Variants in SH3GL3 observed in about 807,000 individuals in gnomAD.
SH3GL3 encodes the protein SH3 domain containing GRB2 like 3, endophilin A3.
SH3GL3 carries 33 observed loss-of-function variants against 47.7 expected under a neutral mutation model. That is an observed-to-expected ratio of 0.69 (90% CI 0.52 to 0.92). SH3GL3 has a LOEUF of 0.92. Ranked by LOEUF, SH3GL3 falls within the 40% of genes least tolerant of loss-of-function variation. The pLI is 0.00. For missense variants in SH3GL3, 363 were observed against 417.8 expected (o/e 0.87, Z 1.14); for synonymous variants, 155 against 148.8 (o/e 1.04, Z -0.30).
At chr15:83,590,559 C>T (rs2060067330) in intron 8 of SH3GL3, among the ~76,000 whole-genome samples, 1 of 152,218 alleles carries the variant, frequency 6.6e-6, no homozygotes, top group East Asian at 1.9e-4. Flanking sequence ...GATCTAGTTT[C>T]TCCACATCCC....
downstream of SH3GL3, among the ~76,000 whole-genome samples, chr15:83,620,328 T>G (rs971108307): frequency 2.0e-5 from 3 of 152,180 alleles, no homozygotes; most frequent in Non-Finnish European, 4.4e-5. Context: ...TTCCAGAAGG[T>G]TTTCACTTTA....
At chr15:83,621,881 G>T (rs1424950678), downstream of SH3GL3, among the ~76,000 whole-genome samples, 1 of 152,164 alleles carries the variant, frequency 6.6e-6, no homozygotes, top group East Asian at 1.9e-4. Flanking sequence ...AAGCCAGACT[G>T]ATCACCTAAA....
chr15:83,622,428 C>T (rs184863142), downstream of SH3GL3, among the ~76,000 whole-genome samples: 4 of 152,286 alleles, frequency 2.6e-5, no homozygotes, highest in East Asian at 7.7e-4. Context: ...ATTCTCAATG[C>T]CCATAATATG....
chr15:83,493,136 T>A (rs911835383), intron 1 of SH3GL3, among the ~76,000 whole-genome samples: 3 of 152,210 alleles, frequency 2.0e-5, no homozygotes, highest in Admixed American at 6.5e-5. Flanking sequence ...GTTATTTTTT[T>A]AAAAAAGAGT....
At chr15:83,474,386 A>G (rs1205598370) in intron 1 of SH3GL3, among the ~76,000 whole-genome samples, 1 of 152,202 alleles carries the variant, frequency 6.6e-6, no homozygotes, top group Non-Finnish European at 1.5e-5. Flanking sequence ...GAGGATGCTA[A>G]AAATCCAGAT....
At chr15:83,625,304 T>C in the SH3GL3 span, among the ~76,000 whole-genome samples, 1 of 152,246 alleles carries the variant, frequency 6.6e-6, no homozygotes. Flanking sequence ...AGCAACTTGA[T>C]GAATATCAGA....
At chr15:83,599,606 G>A (rs755611591) in intron 8 of SH3GL3, among the ~76,000 whole-genome samples, 21 of 152,130 alleles carry the variant, frequency 1.4e-4, no homozygotes, top group Middle Eastern at 3.2e-3. Flanking sequence ...ATGGGCATTT[G>A]GGCTGGTCCC....
chr15:83,616,408 C>T (rs1016279003), intron 8 of SH3GL3, among the ~76,000 whole-genome samples: 5 of 151,986 alleles, frequency 3.3e-5, no homozygotes, highest in Admixed American at 2.6e-4. Flanking sequence ...TGCCCGCCAC[C>T]ACGCCCGGCT....
At chr15:83,533,437 G>T (rs1365809919) in intron 1 of SH3GL3, among the ~76,000 whole-genome samples, 1 of 152,192 alleles carries the variant, frequency 6.6e-6, no homozygotes, top group African/African-American at 2.4e-5. Context: ...TAATAGGAAA[G>T]AGCATATACA....
chr15:83,486,839 C>T (rs1346707786), intron 1 of SH3GL3, among the ~76,000 whole-genome samples: 3 of 152,212 alleles, frequency 2.0e-5, no homozygotes, highest in Non-Finnish European at 4.4e-5. Flanking sequence ...TTGGAAAGGG[C>T]CCGCTTCCTG....
chr15:83,580,510 G>C (rs980166118), intron 6 of SH3GL3, among the ~76,000 whole-genome samples: 2 of 152,234 alleles, frequency 1.3e-5, no homozygotes, highest in African/African-American at 4.8e-5. Flanking sequence ...GAAGTTTGGG[G>C]ATGTCAGTCA....
intron 8 of SH3GL3, among the ~76,000 whole-genome samples, chr15:83,592,298 T>A (rs978695685): frequency 3.3e-5 from 5 of 152,194 alleles, no homozygotes; most frequent in African/African-American, 1.2e-4. Context: ...AAATAAATAT[T>A]CATTGTGTAA....
chr15:83,519,895 T>G (rs1438534753), intron 1 of SH3GL3, among the ~76,000 whole-genome samples: 1 of 152,212 alleles, frequency 6.6e-6, no homozygotes, highest in African/African-American at 2.4e-5. Flanking sequence ...TTTTTCACAT[T>G]TAGTATTGTA....
At chr15:83,460,643 A>G (rs1481522300) in intron 1 of SH3GL3, among the ~76,000 whole-genome samples, 1 of 152,212 alleles carries the variant, frequency 6.6e-6, no homozygotes, top group African/African-American at 2.4e-5. Flanking sequence ...GAAAAACTGC[A>G]TCATCTTTAA....
chr15:83,575,646 A>C (rs1030624558), intron 5 of SH3GL3, among the ~76,000 whole-genome samples: 4 of 152,214 alleles, frequency 2.6e-5, no homozygotes, highest in African/African-American at 9.7e-5. Context: ...CCAAAGTCAC[A>C]GAGCAAAGAG....
intron 8 of SH3GL3, among the ~76,000 whole-genome samples, chr15:83,613,059 C>T (rs1042445073): frequency 2.6e-5 from 4 of 152,182 alleles, no homozygotes; most frequent in Admixed American, 2.6e-4. Context: ...GTTGAGGGCC[C>T]CAGGCAACAG....
At chr15:83,524,455 G>A (rs2043333563) in intron 1 of SH3GL3, among the ~76,000 whole-genome samples, 1 of 152,080 alleles carries the variant, frequency 6.6e-6, no homozygotes, top group African/African-American at 2.4e-5. Flanking sequence ...ATACTGTAAT[G>A]GTCAAGCCAG....
At chr15:83,571,406 A>T (rs973368602) in intron 4 of SH3GL3, among the ~76,000 whole-genome samples, 9 of 152,266 alleles carry the variant, frequency 5.9e-5, no homozygotes, top group Admixed American at 5.2e-4. Context: ...AGGAAGGGAC[A>T]TTTCGTCTTC....
At chr15:83,480,550 G>A (rs555122825) in intron 1 of SH3GL3, among the ~76,000 whole-genome samples, 75 of 152,280 alleles carry the variant, frequency 4.9e-4, no homozygotes, top group African/African-American at 1.8e-3. Context: ...TGTCTCTCAC[G>A]GTGGCTGAGG....
Sources: allele counts gnomAD v4.1 joint callset (sites outside exome capture counted in the v4.1 genomes callset), GRCh38; gene constraint gnomAD v4.1.1; transcripts MANE v1.5; gene names NCBI Gene and HGNC (gene_info 2026-07-23, HGNC 2026-07-21).